The following SGMS1 variants were observed in gnomAD, a reference collection of about 807,000 sequenced individuals.
SGMS1 encodes the protein phosphatidylcholine:ceramide cholinephosphotransferase 1.
Under a neutral mutation model 46.2 loss-of-function variants are expected in SGMS1, and 13 were observed. The ratio of observed to expected loss-of-function variants is 0.28; its 90% CI spans 0.18 to 0.45. The LOEUF is 0.45. SGMS1 is among the 20% of genes least tolerant of loss of function. SGMS1 has a pLI of 1.00. For missense variants in SGMS1, 324 were observed against 519.9 expected, an observed-to-expected ratio of 0.62 and a Z score of 3.66; for synonymous variants, 203 against 187.8, an observed-to-expected ratio of 1.08 and a Z score of -0.66.
At chr10:50,329,410 T>C (rs1237855297) in intron 7 of SGMS1, among the ~76,000 whole-genome samples, 2 of 152,226 alleles carry the variant, frequency 1.3e-5, no homozygotes, top group Non-Finnish European at 2.9e-5. Flanking sequence ...AAACTGTCAA[T>C]GTTAACAATA....
At chr10:50,465,725 A>G (rs1837320721) in intron 4 of SGMS1, among the ~76,000 whole-genome samples, 1 of 152,300 alleles carries the variant, frequency 6.6e-6, no homozygotes, top group African/African-American at 2.4e-5. Context: ...AAATAGTACA[A>G]GAAAATTTAC....
intron 7 of SGMS1, among the ~76,000 whole-genome samples, chr10:50,328,884 CA>C (rs1013305289): frequency 3.3e-5 from 5 of 151,980 alleles, no homozygotes. Flanking sequence ...CCAAGAACAC[CA>C]AAAAAGAAAT....
chr10:50,469,863 A>G (rs183396988), intron 3 of SGMS1, among the ~76,000 whole-genome samples: 24 of 152,354 alleles, frequency 1.6e-4, no homozygotes, highest in African/African-American at 5.5e-4. Context: ...AGAAAAGATT[A>G]AAGTTCACAA....
chr10:50,455,714 T>C (rs1187983240), intron 5 of SGMS1, among the ~76,000 whole-genome samples: 1 of 152,162 alleles, frequency 6.6e-6, no homozygotes, highest in African/African-American at 2.4e-5. Context: ...AGTCTAGAAA[T>C]AGATAATGAA....
intron 3 of SGMS1, among the ~76,000 whole-genome samples, chr10:50,485,505 T>C (rs144684801): frequency 3.6e-4 from 55 of 152,332 alleles, no homozygotes; most frequent in African/African-American, 1.3e-3. Flanking sequence ...CTATTCCTAT[T>C]AAACTACCAT....
chr10:50,370,779 C>T (rs1454903213), intron 6 of SGMS1, among the ~76,000 whole-genome samples: 1 of 151,710 alleles, frequency 6.6e-6, no homozygotes, highest in East Asian at 1.9e-4. Flanking sequence ...ACACATTAGC[C>T]TAGGCCTGCA....
At chr10:50,381,850 T>C (rs939090167) in intron 6 of SGMS1, among the ~76,000 whole-genome samples, 3 of 152,040 alleles carry the variant, frequency 2.0e-5, no homozygotes, top group African/African-American at 4.8e-5. Context: ...TTAACTGTGG[T>C]GTGGAAGGAA....
chr10:50,503,718 G>A (rs914187357), intron 3 of SGMS1, among the ~76,000 whole-genome samples: 2 of 152,210 alleles, frequency 1.3e-5, no homozygotes, highest in African/African-American at 2.4e-5. Flanking sequence ...CCAGCTCGTG[G>A]AGGAGAGAAG....
Position 50,531,401 on chromosome 10 carries a change from C to T in SGMS1, c.-588-11480G>A, listed in dbSNP as rs573486119. ...TTTTTTTTTTTATAAATTCCCTTAC[C>T]TTTATTCATCCTATTCATTTCAAAG... On this transcript the variant is annotated intron_variant, in intron 2 of 10. Coordinates refer to ENST00000361781, the MANE Select transcript of SGMS1 (RefSeq NM_147156.4). 4.6e-5 allele frequency among the ~76,000 whole-genome samples: 7 copies of T among 151,902 alleles called. No homozygotes were observed. The South Asian group carries it at 6.2e-4, about 14-fold the overall frequency.
chr10:50,416,952 TCA>T (rs376432001), intron 6 of SGMS1, among the ~76,000 whole-genome samples: 9 of 150,800 alleles, frequency 6.0e-5, no homozygotes, highest in African/African-American at 2.2e-4. Context: ...TTTAACCTCA[TCA>T]CAGTCTCTAT....
chr10:50,337,043 A>G (rs1401483779), intron 7 of SGMS1, among the ~76,000 whole-genome samples: 1 of 152,178 alleles, frequency 6.6e-6, no homozygotes, highest in African/African-American at 2.4e-5. Flanking sequence ...CTGAGCACCT[A>G]CCTTGCTTTA....
At position 50,468,220 on chromosome 10, in the gene SGMS1, C is replaced by T. The variant is rs545758940; in HGVS notation, c.-497-1288G>A. Among the ~76,000 whole-genome samples the T allele has an allele frequency of 2.6e-5, 4 of 152,262 alleles. No individual in the cohort carries two copies. In the South Asian group the frequency reaches 8.3e-4, roughly 32 times the overall value. ...GAGTCTCAAATCACCAATATGGTGT[C>T]TGATGTAAACAGTTAGTGGGTGAAA... On this transcript the variant is annotated intron_variant, in intron 3 of 10. Transcript: ENST00000361781.
At chr10:50,452,762 C>A (rs1837128032) in intron 5 of SGMS1, among the ~76,000 whole-genome samples, 1 of 152,184 alleles carries the variant, frequency 6.6e-6, no homozygotes, top group African/African-American at 2.4e-5. Context: ...AAACTATACC[C>A]TCAGTATATG....
intron 3 of SGMS1, among the ~76,000 whole-genome samples, chr10:50,514,007 G>A (rs991656117): frequency 6.6e-6 from 1 of 152,042 alleles, no homozygotes; most frequent in South Asian, 2.1e-4. Context: ...CAAAGGAAAG[G>A]AGGCATATTG....
rs1472049520 is a variant in SGMS1, at chr10:50,343,974, G to A, written c.141C>T (p.Pro47=). Residue 47 remains proline (P), a synonymous_variant, in exon 7 of 11, where the codon CCC becomes CCT. Coordinates refer to ENST00000361781, the MANE Select transcript of SGMS1 (RefSeq NM_147156.4). ...INLTQEDFKK[P]PLCRVSSDNG... The stretch of plus-strand genomic sequence containing the variant: ...TGTCAGAGGAGACTCGGCACAAGGG[G>A]GGTTTTTTGAAATCCTCTTGGGTTA... The A allele has an allele frequency of 1.9e-6, 3 of 1,614,170 alleles. No homozygotes were observed. The highest frequency in any genetic ancestry group is 1.7e-5 in the Admixed American group (1 of 60,024).
chr10:50,609,832 T>C (rs987983764), intron 1 of SGMS1, among the ~76,000 whole-genome samples: 2 of 152,110 alleles, frequency 1.3e-5, no homozygotes, highest in Admixed American at 6.5e-5. Context: ...TCTAGACCCT[T>C]ATCTTGAAGG....
chr10:50,328,467 C>G (rs1213478153), intron 7 of SGMS1, among the ~76,000 whole-genome samples: 1 of 152,082 alleles, frequency 6.6e-6, no homozygotes, highest in Admixed American at 6.5e-5. Context: ...GGTGTACTAG[C>G]CAGAGGAAAA....
Position 50,418,285 on chromosome 10 carries a change from A to G in SGMS1, c.-232+15191T>C, listed in dbSNP as rs1003588984. The G allele has an allele frequency of 2.0e-5, 3 of 152,308 alleles. No individual in the cohort carries two copies. The South Asian group carries it at 6.2e-4, about 32-fold the overall frequency. The allele number at this position is 152,308 out of a possible 1,614,324, so 9.4% of individuals were successfully genotyped here. A position where few individuals can be genotyped will look rare whatever the true frequency, so the allele number is the denominator to read the frequency against. Reference sequence around the variant, plus strand: ...CTGCTTGCCGGGCCCTGGTGCTAGGACAGCGGCGCTGCGGAGCCCGGCGTC... The same window carrying G: ...CTGCTTGCCGGGCCCTGGTGCTAGGGCAGCGGCGCTGCGGAGCCCGGCGTC... On this transcript the variant is annotated intron_variant, in intron 6 of 10. Coordinates refer to ENST00000361781, the MANE Select transcript of SGMS1 (RefSeq NM_147156.4).
chr10:50,607,029 A>G (rs984401647), intron 1 of SGMS1, among the ~76,000 whole-genome samples: 5 of 151,674 alleles, frequency 3.3e-5, no homozygotes, highest in Admixed American at 3.3e-4. Flanking sequence ...CCCAGGCTGA[A>G]GTGCAGTGCC....
Sources: gnomAD v4.1 joint callset for allele counts (sites outside exome capture counted in the v4.1 genomes callset) on GRCh38, gnomAD v4.1.1 for gene constraint, MANE v1.5 for transcripts, NCBI Gene and HGNC (gene_info 2026-07-23, HGNC 2026-07-21) for gene names.